The following SLC25A12 variants were observed in gnomAD, a reference collection of about 807,000 sequenced individuals.
SLC25A12 encodes the protein electrogenic aspartate/glutamate antiporter SLC25A12, mitochondrial.
SLC25A12 carries 32 observed loss-of-function variants against 83.3 expected under a neutral mutation model. The ratio of observed to expected loss-of-function variants is 0.38; its 90% CI spans 0.29 to 0.52. SLC25A12 has a LOEUF of 0.52. SLC25A12 is among the 20% of genes least tolerant of loss of function. SLC25A12 has a pLI of 0.84. For synonymous variants in SLC25A12, 267 were observed against 291.1 expected (o/e 0.92, Z 0.84); for missense variants, 611 against 835.6 (o/e 0.73, Z 3.31).
chr2:171,875,204 G>A (rs979517026), intron 2 of SLC25A12, among the ~76,000 whole-genome samples: 3 of 152,174 alleles, frequency 2.0e-5, no homozygotes, highest in Admixed American at 1.3e-4. Context: ...CATGAGGTAA[G>A]CACCAAGTGG....
At chr2:171,791,344 G>T in intron 15 of SLC25A12, 107 bp downstream of exon 15, 1 of 968,060 alleles carries the variant, frequency 1.0e-6, no homozygotes, top group Non-Finnish European at 1.7e-6. Context: ...AACTAAGTCA[G>T]GTACAAACAA....
intron 2 of SLC25A12, among the ~76,000 whole-genome samples, chr2:171,876,531 G>GT (rs749154864): frequency 0.037 from 2,670 of 71,304 alleles, 60 homozygotes; most frequent in Admixed American, 0.11. Flanking sequence ...AGGGGTTTGG[G>GT]TTTTTTTTTT....
rs902557738 is a variant in SLC25A12 at position 171,784,916 on chromosome 2, T to C, written c.*358A>G. On this transcript the variant is annotated 3_prime_UTR_variant, in exon 18 of 18. Coordinates refer to ENST00000422440, the MANE Select transcript of SLC25A12 (RefSeq NM_003705.5). ...CATTTCAAGCCACTCAGAACCGCAT[T>C]ACATTTCTACAAATGTGATTTGTTG... 2 of 290,904 alleles carry C rather than the reference T, an allele frequency of 6.9e-6. No individual in the cohort carries two copies. The highest frequency in any genetic ancestry group is 1.4e-5 in the Non-Finnish European group (2 of 147,964). 18.0% of individuals were successfully genotyped at this position (290,904 alleles called of 1,614,324 possible). A position where few individuals can be genotyped will look rare whatever the true frequency, so the allele number is the denominator to read the frequency against.
chr2:171,886,230 CT>C (rs11428637), intron 2 of SLC25A12, among the ~76,000 whole-genome samples: 128 of 122,552 alleles, frequency 1.0e-3, no homozygotes, highest in East Asian at 2.0e-3. Flanking sequence ...AATATAATAG[CT>C]TTTTTTTTTT....
At chr2:171,804,361 T>G (rs916314187) in intron 13 of SLC25A12, among the ~76,000 whole-genome samples, 4 of 152,032 alleles carry the variant, frequency 2.6e-5, no homozygotes, top group Admixed American at 6.6e-5. Flanking sequence ...CAGGCTCAAG[T>G]GATTCTCCTG....
At chr2:171,884,554 G>C (rs1016916331) in intron 2 of SLC25A12, among the ~76,000 whole-genome samples, 4 of 149,784 alleles carry the variant, frequency 2.7e-5, no homozygotes, top group African/African-American at 7.4e-5. Flanking sequence ...TACATCACCT[G>C]AGGTCAGGAG....
intron 2 of SLC25A12, among the ~76,000 whole-genome samples, chr2:171,888,764 C>T (rs1249020012): frequency 6.6e-6 from 1 of 152,100 alleles, no homozygotes; most frequent in East Asian, 1.9e-4. Flanking sequence ...TTACAAATGA[C>T]TTTTGACCCA....
At chr2:171,848,146 G>C (rs1390266843) in intron 4 of SLC25A12, 2 of 470,558 alleles carry the variant, frequency 4.3e-6, no homozygotes, top group Non-Finnish European at 8.8e-6. Context: ...TACTGGTCTT[G>C]TTCACCTTTC....
At chr2:171,798,298 ACAGGATTAGGCCTATT>A (rs1683640110) in intron 13 of SLC25A12, among the ~76,000 whole-genome samples, 3 of 152,204 alleles carry the variant, frequency 2.0e-5, no homozygotes, top group Admixed American at 1.3e-4. Context: ...GGGGCTGTAT[ACAGGATTAGGCCTATT>A]CAACCTTCTG....
intron 2 of SLC25A12, among the ~76,000 whole-genome samples, chr2:171,875,934 AC>A (rs1402437836): frequency 6.8e-6 from 1 of 147,824 alleles, no homozygotes; most frequent in Admixed American, 6.8e-5. Context: ...AAAAAAAGAA[AC>A]CTGCACATGG....
At chr2:171,804,738 T>C (rs961333964) in intron 13 of SLC25A12, among the ~76,000 whole-genome samples, 2 of 152,112 alleles carry the variant, frequency 1.3e-5, no homozygotes, top group African/African-American at 4.8e-5. Context: ...TAAGACCCTG[T>C]CTCTATGAAA....
intron 9 of SLC25A12, among the ~76,000 whole-genome samples, chr2:171,821,015 T>TTC (rs1684177098): frequency 8.4e-6 from 1 of 119,562 alleles, no homozygotes; most frequent in Non-Finnish European, 1.7e-5. Context: ...GCTATAAACA[T>TTC]TCTTTTTTTT....
At chr2:171,890,477 CTGTGTGTGTG>C (rs34728188) in intron 2 of SLC25A12, among the ~76,000 whole-genome samples, 5 of 149,206 alleles carry the variant, frequency 3.4e-5, no homozygotes, top group East Asian at 3.9e-4. Flanking sequence ...TCGTGTGTGT[CTGTGTGTGTG>C]TGTGTGTGTG....
intron 13 of SLC25A12, among the ~76,000 whole-genome samples, chr2:171,796,279 T>C (rs982262136): frequency 6.6e-6 from 1 of 152,214 alleles, no homozygotes; most frequent in African/African-American, 2.4e-5. Flanking sequence ...TACACCTTAA[T>C]TGTTGTATGC....
chr2:171,817,149 G>C (rs549546234), intron 9 of SLC25A12, among the ~76,000 whole-genome samples: 1 of 152,204 alleles, frequency 6.6e-6, no homozygotes, highest in East Asian at 1.9e-4. Context: ...GTACTTTCTA[G>C]CCTCTAGAAC....
chr2:171,786,382 T>TAAA (rs5836348), intron 17 of SLC25A12, among the ~76,000 whole-genome samples: 4 of 85,792 alleles, frequency 4.7e-5, no homozygotes, highest in African/African-American at 9.0e-5. Context: ...AGACTCCGTC[T>TAAA]AAAAAAAAAA....
chr2:171,804,941 A>C (rs189739717), intron 13 of SLC25A12, among the ~76,000 whole-genome samples: 75 of 152,348 alleles, frequency 4.9e-4, no homozygotes, highest in African/African-American at 1.7e-3. Context: ...GTGATAGCTA[A>C]AAGGTACTGC....
At chr2:171,816,963 A>C (rs1237048311) in intron 9 of SLC25A12, among the ~76,000 whole-genome samples, 1 of 152,186 alleles carries the variant, frequency 6.6e-6, no homozygotes, top group Non-Finnish European at 1.5e-5. Context: ...GGTGGTAATT[A>C]GGTCATGAAA....
At chr2:171,883,049 T>C (rs1685729902) in intron 2 of SLC25A12, among the ~76,000 whole-genome samples, 1 of 152,214 alleles carries the variant, frequency 6.6e-6, no homozygotes, top group Admixed American at 6.5e-5. Flanking sequence ...TAACTTCAGA[T>C]GGATGTCTCA....
Sources: gnomAD v4.1 joint callset for allele counts (sites outside exome capture counted in the v4.1 genomes callset) on GRCh38, gnomAD v4.1.1 for gene constraint, MANE v1.5 for transcripts, NCBI Gene and HGNC (gene_info 2026-07-23, HGNC 2026-07-21) for gene names.